The following HECW1 variants were observed in gnomAD, a reference collection of about 807,000 sequenced individuals.
HECW1 encodes HECT, C2 and WW domain containing E3 ubiquitin protein ligase 1.
Under a neutral mutation model 182.3 loss-of-function variants are expected in HECW1, and 61 were observed. The ratio of observed to expected loss-of-function variants is 0.33; its 90% CI spans 0.27 to 0.41. The LOEUF (loss-of-function observed/expected upper bound fraction) is 0.41, where lower values mean the gene tolerates loss of function less well. Among genes scored for constraint, HECW1 ranks in the 10% least tolerant of loss-of-function variants. The probability of loss-of-function intolerance (pLI) is 1.00; values close to 1 mark genes in which losing one functional copy is unlikely to be tolerated. For synonymous variants in HECW1, 859 were observed against 832.6 expected, an observed-to-expected ratio of 1.03 and a Z score of -0.55; for missense variants, 1,739 against 2,108.9, an observed-to-expected ratio of 0.82 and a Z score of 3.44.
At position 43,429,179 on chromosome 7, in the gene HECW1, G is replaced by A. The variant is rs1401422042; in HGVS notation, c.802-8824G>A. The stretch of plus-strand genomic sequence containing the variant: ...AAAATCAATATTATTCTGTTTTGTG[G>A]CTGAGGATTCTCATATGGAGAGAGA... On this transcript the variant is annotated intron_variant, in intron 8 of 29. Transcript: ENST00000395891. Among the ~76,000 whole-genome samples the A allele has an allele frequency of 2.0e-5, 3 of 149,216 alleles. No individual in the cohort carries two copies. The East Asian group carries it at 5.9e-4, about 29-fold the overall frequency.
chr7:43,456,458 A>C lies in HECW1; in HGVS notation c.2651+11A>C, dbSNP rs1001586659. The stretch of plus-strand genomic sequence containing the variant: ...GCAACTCAACAGGCGGTTGGTGATC[A>C]GTATGCAATGAGCTCCCCTAAACCA... On this transcript the variant is annotated intron_variant, in intron 13 of 29. Coordinates refer to ENST00000395891, the MANE Select transcript of HECW1 (RefSeq NM_015052.5). 1 of 1,612,782 alleles carries C rather than the reference A, an allele frequency of 6.2e-7. No homozygotes were observed. The highest frequency in any genetic ancestry group is 1.3e-5 in the African/African-American group (1 of 74,882).
At chr7:43,224,966 G>A (rs1163230617) in intron 2 of HECW1, among the ~76,000 whole-genome samples, 6 of 152,168 alleles carry the variant, frequency 3.9e-5, no homozygotes, top group Non-Finnish European at 8.8e-5. Flanking sequence ...TTGCTGTGCT[G>A]GTGAGTTTGT....
intron 5 of HECW1, among the ~76,000 whole-genome samples, chr7:43,346,003 G>A (rs547760776): frequency 6.6e-6 from 1 of 152,210 alleles, no homozygotes; most frequent in South Asian, 2.1e-4. Context: ...CCTCTGGGTA[G>A]ATGCCCAGTA....
At chr7:43,319,169 T>C (rs558832394) in intron 4 of HECW1, among the ~76,000 whole-genome samples, 3 of 151,238 alleles carry the variant, frequency 2.0e-5, no homozygotes, top group South Asian at 2.1e-4. Context: ...GGGTGGATCA[T>C]GAGGTCAGGA....
At chr7:43,376,107 T>A (rs984114065) in intron 6 of HECW1, among the ~76,000 whole-genome samples, 4 of 151,034 alleles carry the variant, frequency 2.6e-5, no homozygotes, top group African/African-American at 9.7e-5. Context: ...CATAACCCAA[T>A]AAACCAAACA....
At chr7:43,319,390 T>G (rs1391711908) in intron 4 of HECW1, among the ~76,000 whole-genome samples, 2 of 46,208 alleles carry the variant, frequency 4.3e-5, no homozygotes, top group African/African-American at 3.2e-4. Context: ...CGAGACTCCG[T>G]CTCAAAAAAA....
At chr7:43,229,400 C>T (rs1797695852) in intron 2 of HECW1, among the ~76,000 whole-genome samples, 1 of 151,792 alleles carries the variant, frequency 6.6e-6, no homozygotes, top group South Asian at 2.1e-4. Flanking sequence ...AGCATGTTCT[C>T]ACTTATAAGT....
intron 3 of HECW1, among the ~76,000 whole-genome samples, chr7:43,265,784 T>C (rs1168042675): frequency 1.3e-5 from 2 of 152,152 alleles, no homozygotes; most frequent in East Asian, 3.9e-4. Context: ...TTCCCAGGAT[T>C]CCCATGCTTT....
At chr7:43,219,775 G>A (rs903237207) in intron 2 of HECW1, among the ~76,000 whole-genome samples, 4 of 152,168 alleles carry the variant, frequency 2.6e-5, no homozygotes, top group African/African-American at 9.7e-5. Flanking sequence ...TGTGGTACAG[G>A]GCTGTCTGCT....
At chr7:43,244,039 G>GC in intron 3 of HECW1, 107 bp downstream of exon 3, 1 of 887,490 alleles carries the variant, frequency 1.1e-6, no homozygotes, top group Non-Finnish European at 1.9e-6. Flanking sequence ...CGGTTGCCCA[G>GC]CCCAGGAATT....
chr7:43,197,265 C>T (rs1005926401), intron 2 of HECW1, among the ~76,000 whole-genome samples: 1 of 152,006 alleles, frequency 6.6e-6, no homozygotes, highest in Admixed American at 6.6e-5. Flanking sequence ...ACAGTCTTAC[C>T]ATGGTAGGAA....
At chr7:43,158,016 T>C (rs2152653251) in intron 2 of HECW1, among the ~76,000 whole-genome samples, 1 of 152,360 alleles carries the variant, frequency 6.6e-6, no homozygotes, top group East Asian at 1.9e-4. Flanking sequence ...AGCTTTAATT[T>C]CCTTATCAAT....
chr7:43,376,410 G>A lies in HECW1; in HGVS notation c.555+15430G>A, dbSNP rs73099580. ...CCTGGGATGGGGGTAGCCAGCCAGC[G>A]TCTGGGCTATGTGGATTCTCCAGGC... On this transcript the variant is annotated intron_variant, in intron 6 of 29. Transcript: ENST00000395891. Among the ~76,000 whole-genome samples the A allele has an allele frequency of 4.2e-3, 634 of 152,230 alleles. 4 individuals carry two copies. Among genetic ancestry groups the A allele is most frequent in the Non-Finnish European group, 6.6e-3 (451 of 68,004 alleles).
At chr7:43,288,406 A>G (rs1804944408) in intron 3 of HECW1, among the ~76,000 whole-genome samples, 1 of 152,360 alleles carries the variant, frequency 6.6e-6, no homozygotes, top group South Asian at 2.1e-4. Context: ...TTCTGCAAAC[A>G]TTGTAATAAA....
intron 29 of HECW1, among the ~76,000 whole-genome samples, chr7:43,559,962 A>T (rs2082155639): frequency 6.6e-6 from 1 of 152,220 alleles, no homozygotes; most frequent in African/African-American, 2.4e-5. Flanking sequence ...CCCAGAAATG[A>T]TCTTTTACAG....
At chr7:43,271,475 A>G (rs1015790089) in intron 3 of HECW1, among the ~76,000 whole-genome samples, 13 of 152,220 alleles carry the variant, frequency 8.5e-5, no homozygotes, top group African/African-American at 2.9e-4. Flanking sequence ...ACTCTGTCAA[A>G]AGGCTATTAG....
chr7:43,468,111 C>T (rs567520946), intron 15 of HECW1, among the ~76,000 whole-genome samples: 1 of 152,016 alleles, frequency 6.6e-6, no homozygotes, highest in Non-Finnish European at 1.5e-5. Flanking sequence ...CACACACACA[C>T]ACCAACCCTG....
Position 43,243,377 on chromosome 7 carries a change from A to T in HECW1, c.-31-498A>T, listed in dbSNP as rs1485497941. Reference sequence around the variant, plus strand: ...AAGTGGAAGGGGATGGCACTTCTTGAGTCTTTCCCATCTGAGTAAATGCCT... The same window carrying T: ...AAGTGGAAGGGGATGGCACTTCTTGTGTCTTTCCCATCTGAGTAAATGCCT... On this transcript the variant is annotated intron_variant, in intron 2 of 29. Transcript: ENST00000395891. The surrounding 1 kb of genome is among the most constrained non-coding windows in gnomAD (Gnocchi z 4.0). 6.6e-6 allele frequency among the ~76,000 whole-genome samples: 1 copy of T among 152,178 alleles called. No homozygotes were observed. Among genetic ancestry groups the T allele is most frequent in the Non-Finnish European group, 1.5e-5 (1 of 68,028 alleles).
chr7:43,438,750 G>T (rs1562974939), intron 9 of HECW1: 1 of 152,202 alleles, frequency 6.6e-6, no homozygotes. Context: ...CATTAAAGTG[G>T]ACTATGACCA....
Sources: gnomAD v4.1 joint callset for allele counts (sites outside exome capture counted in the v4.1 genomes callset) on GRCh38, gnomAD v4.1.1 for gene constraint, Gnocchi (gnomAD v3.1) non-coding constraint, MANE v1.5 for transcripts, NCBI Gene and HGNC (gene_info 2026-07-23, HGNC 2026-07-21) for gene names.